GNAL: variants seen among roughly 807,000 people sequenced by gnomAD.
GNAL encodes the protein G protein subunit alpha L.
A neutral mutation model predicts 55.1 loss-of-function variants in GNAL; 18 were observed. The ratio of observed to expected loss-of-function variants is 0.33; its 90% CI spans 0.23 to 0.48. The LOEUF is 0.48. GNAL is among the 20% of genes least tolerant of loss of function. The pLI, the probability that GNAL is intolerant of heterozygous loss-of-function variation, is 0.99. For synonymous variants in GNAL, 253 were observed against 237.0 expected, an observed-to-expected ratio of 1.07 and a Z score of -0.62; for missense variants, 412 against 614.1, an observed-to-expected ratio of 0.67 and a Z score of 3.48.
At chr18:11,704,781 AT>A (rs11408182) in intron 1 of GNAL, among the ~76,000 whole-genome samples, 2,676 of 140,776 alleles carry the variant, frequency 0.019, 76 homozygotes, top group African/African-American at 0.08. Context: ...TCCATTATCA[AT>A]TTTTTTTTAA....
chr18:11,856,917 G>C (rs540591174), intron 5 of GNAL, among the ~76,000 whole-genome samples: 1 of 152,266 alleles, frequency 6.6e-6, no homozygotes, highest in South Asian at 2.1e-4. Context: ...GGGTGACAGA[G>C]TGAGACTGTC....
At chr18:11,863,508 T>C (rs1365390399) in intron 6 of GNAL, among the ~76,000 whole-genome samples, 1 of 152,224 alleles carries the variant, frequency 6.6e-6, no homozygotes, top group Non-Finnish European at 1.5e-5. Flanking sequence ...CAATGGAGGC[T>C]TCCTCGTCTT....
intron 5 of GNAL, chr18:11,857,427 T>C (rs1598432758): frequency 1.1e-6 from 1 of 933,394 alleles, no homozygotes; most frequent in African/African-American, 1.8e-5. Context: ...GAGTGGAGGG[T>C]TCACGTGATG....
chr18:11,800,689 A>G (rs934290733), intron 4 of GNAL, among the ~76,000 whole-genome samples: 1 of 152,222 alleles, frequency 6.6e-6, no homozygotes, highest in African/African-American at 2.4e-5. Flanking sequence ...GGAAGGGGCC[A>G]GGCGGCCTCT....
intron 4 of GNAL, among the ~76,000 whole-genome samples, chr18:11,769,731 T>C (rs1224110106): frequency 6.6e-6 from 1 of 152,204 alleles, no homozygotes; most frequent in African/African-American, 2.4e-5. Flanking sequence ...AAACAAATGT[T>C]GGTTGCTTCA....
At chr18:11,823,432 C>T (rs1162003792) in intron 4 of GNAL, among the ~76,000 whole-genome samples, 2 of 152,200 alleles carry the variant, frequency 1.3e-5, no homozygotes, top group South Asian at 2.1e-4. Flanking sequence ...AAGATTGTCT[C>T]TGATACTGTG....
chr18:11,828,696 C>T lies in GNAL; in HGVS notation c.722+3681C>T, dbSNP rs117495776. ...AAATGGACAAGTTATTCCTGCATCACCGTAGTAATAGAATTAATAATTTGA... is the reference window on the plus strand; with the variant it reads ...AAATGGACAAGTTATTCCTGCATCATCGTAGTAATAGAATTAATAATTTGA... On this transcript the variant is annotated intron_variant, in intron 5 of 11. Coordinates refer to ENST00000334049, the MANE Select transcript of GNAL (RefSeq NM_182978.4). 6.5e-3 allele frequency among the ~76,000 whole-genome samples: 988 copies of T among 151,764 alleles called. 10 individuals are homozygous for T. Among genetic ancestry groups the T allele is most frequent in the Middle Eastern group, 0.01 (3 of 288 alleles).
chr18:11,696,541 G>A (rs1298357673), intron 1 of GNAL, among the ~76,000 whole-genome samples: 1 of 150,448 alleles, frequency 6.6e-6, no homozygotes, highest in Non-Finnish European at 1.5e-5. Flanking sequence ...CATCCTTACA[G>A]CCTTAAAGAG....
At chr18:11,874,453 G>A (rs2036476546) in intron 10 of GNAL, 1 of 148,338 alleles carries the variant, frequency 6.7e-6, no homozygotes. Context: ...AAATTAGCTG[G>A]GCGTGGTGGT....
At chr18:11,796,588 AAAAAAAAC>A (rs1239314231) in intron 4 of GNAL, among the ~76,000 whole-genome samples, 18 of 148,980 alleles carry the variant, frequency 1.2e-4, no homozygotes, top group African/African-American at 4.5e-4. Flanking sequence ...AAAAAAAAAA[AAAAAAAAC>A]AAAACACGCA....
intron 1 of GNAL, among the ~76,000 whole-genome samples, chr18:11,740,122 A>T (rs2032545372): frequency 6.6e-6 from 1 of 151,774 alleles, no homozygotes; most frequent in Admixed American, 6.6e-5. Flanking sequence ...GTTGGCAGGG[A>T]CACCTGACAG....
At chr18:11,870,414 G>A (rs1003971772) in intron 9 of GNAL, among the ~76,000 whole-genome samples, 3 of 152,110 alleles carry the variant, frequency 2.0e-5, no homozygotes, top group African/African-American at 4.8e-5. Context: ...CCAGCTACTC[G>A]GGAGGCTGAG....
At chr18:11,713,178 A>G (rs2031877118) in intron 1 of GNAL, among the ~76,000 whole-genome samples, 1 of 152,250 alleles carries the variant, frequency 6.6e-6, no homozygotes, top group African/African-American at 2.4e-5. Flanking sequence ...CCCAAATGAG[A>G]ACAAGCAGAG....
At chr18:11,873,655 A>C (rs528630571) in intron 10 of GNAL, among the ~76,000 whole-genome samples, 1 of 152,104 alleles carries the variant, frequency 6.6e-6, no homozygotes, top group Admixed American at 6.5e-5. Context: ...GCCTTGCTCT[A>C]CCCGCAGCCT....
chr18:11,756,177 T>C (rs993149429), intron 4 of GNAL, among the ~76,000 whole-genome samples: 1 of 152,182 alleles, frequency 6.6e-6, no homozygotes, highest in African/African-American at 2.4e-5. Context: ...AAACAATTGG[T>C]AACTCCCACC....
intron 4 of GNAL, among the ~76,000 whole-genome samples, chr18:11,812,764 A>G (rs1246528390): frequency 6.6e-6 from 1 of 152,082 alleles, no homozygotes; most frequent in Admixed American, 6.5e-5. Flanking sequence ...GAATCACTTG[A>G]ACCTGGGAGG....
chr18:11,878,108 G>C (rs1192216681), intron 11 of GNAL, among the ~76,000 whole-genome samples: 2 of 152,142 alleles, frequency 1.3e-5, no homozygotes, highest in Admixed American at 6.5e-5. Flanking sequence ...GTTCTAATGA[G>C]AACTAAATGT....
chr18:11,853,621 A>AG (rs1183083685), intron 5 of GNAL: 2 of 167,068 alleles, frequency 1.2e-5, no homozygotes, highest in African/African-American at 4.8e-5. Context: ...TAAATGAGTA[A>AG]GGAAAAAAAA....
At chr18:11,690,017 C>CGGCGGCGGGCACCGG (rs2031189733) in intron 1 of GNAL, 78 bp downstream of exon 1, 1 of 852,632 alleles carries the variant, frequency 1.2e-6, no homozygotes. Context: ...CACCGGGGAG[C>CGGCGGCGGGCACCGG]GGTGGCGGGC....
Sources: allele counts gnomAD v4.1 joint callset (sites outside exome capture counted in the v4.1 genomes callset), GRCh38; gene constraint gnomAD v4.1.1; transcripts MANE v1.5; gene names NCBI Gene and HGNC (gene_info 2026-07-23, HGNC 2026-07-21).